Variants in DCC observed in about 807,000 individuals in gnomAD.
The protein encoded by DCC is DCC netrin 1 receptor, also known as netrin receptor DCC.
A neutral mutation model predicts 172.5 loss-of-function variants in DCC; 58 were observed. That is an observed-to-expected ratio of 0.34 (90% CI 0.27 to 0.42). The LOEUF (loss-of-function observed/expected upper bound fraction) is 0.42. Ranked by LOEUF, DCC falls within the 10% of genes least tolerant of loss-of-function variation. The pLI is 1.00. For synonymous variants in DCC, 709 were observed against 644.5 expected (o/e 1.10, Z -1.52); for missense variants, 1,740 against 1,791.0 (o/e 0.97, Z 0.51).
chr18:52,613,497 C>T (rs548091575), intron 1 of DCC, among the ~76,000 whole-genome samples: 118 of 152,180 alleles, frequency 7.8e-4, no homozygotes, highest in South Asian at 1.2e-3. Context: ...CCTTGTGATC[C>T]GCCCGCCTCT....
At chr18:52,799,904 T>C (rs2037951865) in intron 2 of DCC, among the ~76,000 whole-genome samples, 1 of 152,344 alleles carries the variant, frequency 6.6e-6, no homozygotes, top group South Asian at 2.1e-4. Flanking sequence ...TATTTTAAGC[T>C]CTAATTGTTC....
At chr18:53,302,388 T>C (rs1408770093) in intron 12 of DCC, among the ~76,000 whole-genome samples, 1 of 152,210 alleles carries the variant, frequency 6.6e-6, no homozygotes, top group Non-Finnish European at 1.5e-5. Context: ...CTATTTAGAC[T>C]ATTCTGACTT....
In DCC at chr18:53,503,795, C is replaced by T. The variant is rs139298654; in HGVS notation, c.4111+4285C>T. On this transcript the variant is annotated intron_variant, in intron 27 of 28. Transcript: ENST00000442544. ...TCATAATACTCTTTTATAACATTAG[C>T]CCCCTGGACCTCTTGCAACTTTGTA... Among the ~76,000 whole-genome samples, 635 of 152,236 alleles carry T rather than the reference C, an allele frequency of 4.2e-3. 3 individuals are homozygous for T. The highest frequency in any genetic ancestry group is 0.014 in the African/African-American group (598 of 41,534).
chr18:52,367,408 AG>A (rs151079825), intron 1 of DCC, among the ~76,000 whole-genome samples: 3 of 152,218 alleles, frequency 2.0e-5, no homozygotes, highest in African/African-American at 2.4e-5. Context: ...GAGCCCAGGC[AG>A]GGGAGGTGCC....
chr18:53,495,319 A>G (rs2046006589), intron 26 of DCC, among the ~76,000 whole-genome samples: 1 of 146,944 alleles, frequency 6.8e-6, no homozygotes, highest in Admixed American at 7.0e-5. Flanking sequence ...TGAACCTGGG[A>G]GGCAGAGGTT....
chr18:52,844,287 G>A (rs2038850666), intron 2 of DCC, among the ~76,000 whole-genome samples: 1 of 147,874 alleles, frequency 6.8e-6, no homozygotes. Context: ...TAAGAAGGAT[G>A]ATTGATTGAT....
rs201288808 is a variant in DCC, at chr18:52,754,646, AG to A, written c.412+2273del. The stretch of plus-strand genomic sequence containing the variant: ...CTGTTGTTTACAGCCTACCCAGTCC[AG>A]ATACTTTGTGATAGCCACCCAAACT... On this transcript the variant is annotated intron_variant, in intron 2 of 28. Coordinates refer to ENST00000442544, the MANE Select transcript of DCC (RefSeq NM_005215.4). Among the ~76,000 whole-genome samples the A allele has an allele frequency of 9.5e-4, 144 of 152,318 alleles. 1 individual carries two copies. Among genetic ancestry groups the A allele is most frequent in the African/African-American group, 3.2e-3 (135 of 41,576 alleles).
At chr18:53,142,249 T>C (rs913370289) in intron 7 of DCC, among the ~76,000 whole-genome samples, 3 of 152,232 alleles carry the variant, frequency 2.0e-5, no homozygotes, top group Non-Finnish European at 4.4e-5. Flanking sequence ...CTCTGGTGGA[T>C]GACACTTCTC....
At chr18:53,017,080 C>CTTT in intron 5 of DCC, among the ~76,000 whole-genome samples, 1 of 131,316 alleles carries the variant, frequency 7.6e-6, no homozygotes, top group Non-Finnish European at 1.6e-5. Flanking sequence ...TTTTTCTTTT[C>CTTT]TTTTTTTTTT....
intron 2 of DCC, among the ~76,000 whole-genome samples, chr18:52,792,800 ATTCC>A (rs1278224089): frequency 3.9e-5 from 6 of 152,088 alleles, no homozygotes; most frequent in Non-Finnish European, 7.4e-5. Flanking sequence ...ATTCCATTCC[ATTCC>A]AGTTGATTCA....
intron 12 of DCC, among the ~76,000 whole-genome samples, chr18:53,225,794 T>C (rs2056017529): frequency 6.6e-6 from 1 of 152,162 alleles, no homozygotes; most frequent in South Asian, 2.1e-4. Context: ...ATCATGTTTG[T>C]TTTTCTCCCC....
intron 5 of DCC, chr18:52,931,641 T>C (rs931264832): frequency 2.6e-5 from 4 of 152,158 alleles, no homozygotes; most frequent in Non-Finnish European, 5.9e-5. Context: ...AAAATAAAAA[T>C]GGAAAATTCC....
Position 52,933,903 on chromosome 18 carries a change from T to A in DCC, c.985+8533T>A, listed in dbSNP as rs1356103976. ...ATGATAATTACTTTATCATAGGATT[T>A]GGTGTCCGTTTGAGTGTGAAAAGTA... On this transcript the variant is annotated intron_variant, in intron 5 of 28. Transcript: ENST00000442544. Among the ~76,000 whole-genome samples the A allele has an allele frequency of 2.0e-5, 3 of 152,054 alleles. No homozygotes were observed. The South Asian group carries it at 6.2e-4, about 32-fold the overall frequency.
intron 8 of DCC, among the ~76,000 whole-genome samples, chr18:53,159,794 A>G (rs2144404713): frequency 6.6e-6 from 1 of 152,342 alleles, no homozygotes; most frequent in Non-Finnish European, 1.5e-5. Context: ...ATGCTTCTGT[A>G]TTTAATAATG....
At chr18:53,177,222 C>G (rs1171734832) in intron 8 of DCC, among the ~76,000 whole-genome samples, 1 of 151,844 alleles carries the variant, frequency 6.6e-6, no homozygotes, top group African/African-American at 2.4e-5. Flanking sequence ...GGAGATATAC[C>G]TAATGCTAGA....
chr18:52,983,052 C>T (rs1488711614), intron 5 of DCC, among the ~76,000 whole-genome samples: 2 of 152,106 alleles, frequency 1.3e-5, no homozygotes, highest in East Asian at 1.9e-4. Flanking sequence ...ACTCCTTTTA[C>T]TCTATAAAGT....
chr18:52,995,826 T>C lies in DCC; in HGVS notation c.986-67479T>C, dbSNP rs150006245. On this transcript the variant is annotated intron_variant, in intron 5 of 28. Coordinates refer to ENST00000442544, the MANE Select transcript of DCC (RefSeq NM_005215.4). ...CAGTTAGCAAACCCAAATGGCCTAG[T>C]CACCTGGACTGAACCCCCTTTTTGC... Among the ~76,000 whole-genome samples, 7 of 152,066 alleles carry C rather than the reference T, an allele frequency of 4.6e-5. No homozygotes were observed. In the East Asian group the frequency reaches 7.7e-4, roughly 17 times the overall value.
At chr18:53,409,038 T>A (rs144622527) in intron 19 of DCC, among the ~76,000 whole-genome samples, 125 of 152,272 alleles carry the variant, frequency 8.2e-4, no homozygotes, top group Non-Finnish European at 9.3e-4. Context: ...ACCATGTTTA[T>A]GGAGAGGAGA....
chr18:52,925,364 G>A lies in DCC; in HGVS notation c.979G>A (p.Val327Ile). 1 of 1,612,272 alleles carries A rather than the reference G, an allele frequency of 6.2e-7. No homozygotes were observed. The highest frequency in any genetic ancestry group is 2.2e-5 in the East Asian group (1 of 44,794). ...ENISASAELT[V>I]LVPPWFLNHP... ...TATTAGTGCCTCTGCAGAGCTCACA[G>A]TCTTGGGTAAGTTAGTGGCTGGAGA... Residue 327 changes from valine (V) to isoleucine (I), a missense_variant, in exon 5 of 29, where the codon GTC becomes ATC. By Grantham distance (29) the Val-to-Ile change is conservative. Around this residue, in one of 2 missense-constraint regions of DCC, gnomAD observed 1,732 missense variants for 1,767.4 expected, o/e 0.98. Transcript: ENST00000442544.
Sources: allele counts gnomAD v4.1 joint callset (sites outside exome capture counted in the v4.1 genomes callset), GRCh38; gene constraint gnomAD v4.1.1; regional missense constraint gnomAD v4.1.1; transcripts MANE v1.5; gene names NCBI Gene and HGNC (gene_info 2026-07-23, HGNC 2026-07-21).